Variants in PCDHA2 observed in about 807,000 individuals in gnomAD.
PCDHA2 encodes the protein protocadherin alpha 2, also known as protocadherin alpha-2.
Under a neutral mutation model 66.0 loss-of-function variants are expected in PCDHA2, and 58 were observed. The ratio of observed to expected loss-of-function variants is 0.88; its 90% CI spans 0.71 to 1.09. The LOEUF (loss-of-function observed/expected upper bound fraction) is 1.09. PCDHA2 is among the 50% of genes least tolerant of loss of function. PCDHA2 has a pLI of 0.00. For synonymous variants in PCDHA2, 634 were observed against 554.0 expected (o/e 1.14, Z -2.03); for missense variants, 1,267 against 1,242.3 (o/e 1.02, Z -0.30).
chr5:140,989,686 C>T (rs534780216), intron 3 of PCDHA2, among the ~76,000 whole-genome samples: 2 of 152,254 alleles, frequency 1.3e-5, no homozygotes, highest in African/African-American at 4.8e-5. Flanking sequence ...TTCAAAGGAA[C>T]GTGAAAATTT....
At chr5:140,937,890 C>G (rs1209951664) in intron 1 of PCDHA2, among the ~76,000 whole-genome samples, 1 of 145,964 alleles carries the variant, frequency 6.9e-6, no homozygotes, top group Non-Finnish European at 1.5e-5. Flanking sequence ...CCAGCCTGGG[C>G]GACAGAGTGA....
At chr5:140,921,588 T>C (rs534654717) in intron 1 of PCDHA2, among the ~76,000 whole-genome samples, 1 of 152,342 alleles carries the variant, frequency 6.6e-6, no homozygotes, top group African/African-American at 2.4e-5. Flanking sequence ...TACTATATTA[T>C]GGTTTCAAAG....
At chr5:140,917,327 G>T (rs1219338384) in intron 1 of PCDHA2, among the ~76,000 whole-genome samples, 1 of 149,420 alleles carries the variant, frequency 6.7e-6, no homozygotes, top group Non-Finnish European at 1.5e-5. Context: ...CATGTGGCGG[G>T]GGAGGGGGGG....
chr5:140,797,106 G>C lies in PCDHA2; in HGVS notation c.2142G>C (p.Thr714=). 1.2e-6 allele frequency: 2 copies of C among 1,614,000 alleles called. No individual in the cohort carries two copies. The highest frequency in any genetic ancestry group is 1.7e-6 in the Non-Finnish European group (2 of 1,179,954). ...CGGTATCCAGCCTGTTGGTGCTCAC[G>C]GTGCTGCTGTACACTGCGCTGCGGT... ...ICAVSSLLVL[T]VLLYTALRCS... The change falls in exon 1 of 4, where the codon ACG becomes ACC. Residue 714 remains threonine (T), a synonymous_variant. Transcript: ENST00000526136.
intron 1 of PCDHA2, chr5:140,802,970 A>G (rs781822296): frequency 1.3e-5 from 21 of 1,613,960 alleles, no homozygotes; most frequent in Non-Finnish European, 1.6e-5. Context: ...GCCACGTGGT[A>G]GCGAAGGTGC....
At chr5:140,841,094 G>C in intron 1 of PCDHA2, 1 of 568,882 alleles carries the variant, frequency 1.8e-6, no homozygotes, top group Non-Finnish European at 3.0e-6. Context: ...GAAGAACCCA[G>C]ATATTGCGGA....
At chr5:140,858,296 C>A in intron 1 of PCDHA2, 2 of 1,597,508 alleles carry the variant, frequency 1.3e-6, no homozygotes, top group Non-Finnish European at 1.7e-6. Flanking sequence ...GTCTTACTCG[C>A]AGCAGAGGCG....
intron 1 of PCDHA2, among the ~76,000 whole-genome samples, chr5:140,901,760 G>C (rs909858668): frequency 6.6e-6 from 1 of 152,102 alleles, no homozygotes; most frequent in Admixed American, 6.5e-5. Context: ...TTTTGACAGG[G>C]ATTGCATTGA....
rs2150480213 is a variant in PCDHA2, at chr5:140,850,340, G to C, written c.2388+52988G>C. 0.013 allele frequency: 21,012 copies of C among 1,597,592 alleles called. 2,634 individuals are homozygous for C. The African/African-American group carries it at 0.2, about 15-fold the overall frequency. Reference sequence around the variant, plus strand: ...TTTCATACGAGCTGCAGCCAGAAACGGCCAGCGCGAGCATCCCGTTCCGCG... The same window carrying C: ...TTTCATACGAGCTGCAGCCAGAAACCGCCAGCGCGAGCATCCCGTTCCGCG... On this transcript the variant is annotated intron_variant, in intron 1 of 3. Coordinates refer to ENST00000526136, the MANE Select transcript of PCDHA2 (RefSeq NM_018905.3).
At chr5:140,832,953 T>C (rs2150205519) in intron 1 of PCDHA2, among the ~76,000 whole-genome samples, 88,791 of 151,994 alleles carry the variant, frequency 0.58, 26,721 homozygotes, top group African/African-American at 0.73. Context: ...TAAGTGAGTA[T>C]ACAGAAAATT....
At chr5:140,884,503 AGGGAGTT>A (rs782338567) in intron 1 of PCDHA2, 2 of 1,613,940 alleles carry the variant, frequency 1.2e-6, no homozygotes, top group Non-Finnish European at 1.7e-6. Context: ...CCAGCGCGGC[AGGGAGTT>A]GGTCGTACTC....
chr5:140,833,355 A>T (rs1008230384), intron 1 of PCDHA2, among the ~76,000 whole-genome samples: 7 of 152,200 alleles, frequency 4.6e-5, no homozygotes, highest in Non-Finnish European at 1.5e-5. Flanking sequence ...CAGAAAACGA[A>T]CACAGTAAGG....
rs2150356051 is a variant in PCDHA2, at chr5:140,843,257, C to A, written c.2388+45905C>A. On this transcript the variant is annotated intron_variant, in intron 1 of 3. Coordinates refer to ENST00000526136, the MANE Select transcript of PCDHA2 (RefSeq NM_018905.3). ...GGACGAAGCGGACTCTCCGCGCCAC[C>A]GTCTGCTGGTCCTGGTGAAGGATCA... 1.1e-5 allele frequency: 18 copies of A among 1,596,054 alleles called. 1 individual carries two copies. Among genetic ancestry groups the A allele is most frequent in the Non-Finnish European group, 1.5e-5 (18 of 1,165,602 alleles).
chr5:140,926,703 C>G (rs2083476417), intron 1 of PCDHA2: 2 of 835,304 alleles, frequency 2.4e-6, no homozygotes, highest in Admixed American at 7.4e-5. Context: ...CGGCTCCCAG[C>G]TGGCCAGCCC....
chr5:140,817,981 CT>C (rs1289282111), intron 1 of PCDHA2, among the ~76,000 whole-genome samples: 3 of 152,254 alleles, frequency 2.0e-5, no homozygotes, highest in Admixed American at 6.5e-5. Flanking sequence ...TGTCTAGCTA[CT>C]TTGTATACTT....
At chr5:140,969,120 G>T (rs1333559202) in intron 1 of PCDHA2, 1 of 1,613,970 alleles carries the variant, frequency 6.2e-7, no homozygotes, top group Non-Finnish European at 8.5e-7. Flanking sequence ...CGAGGGAATG[G>T]CTCCCTCACC....
intron 1 of PCDHA2, chr5:140,875,904 A>G: frequency 1.9e-6 from 3 of 1,614,194 alleles, no homozygotes; most frequent in Non-Finnish European, 2.5e-6. Context: ...CTGTTTCTGA[A>G]TCTGCGCCTC....
intron 1 of PCDHA2, among the ~76,000 whole-genome samples, chr5:140,949,279 A>T (rs2094358116): frequency 6.6e-6 from 1 of 151,848 alleles, no homozygotes; most frequent in African/African-American, 2.4e-5. Flanking sequence ...CTTGAAAAGA[A>T]TGTATATTCT....
chr5:140,858,024 C>A lies in PCDHA2; in HGVS notation c.2388+60672C>A, dbSNP rs782656168. On this transcript the variant is annotated intron_variant, in intron 1 of 3. Transcript: ENST00000526136. ...AAGGACCATGGCGAGCCGTCGCTGACGGCCACGGCCACTGTGCTTGTGTCG... is the reference window on the plus strand; with the variant it reads ...AAGGACCATGGCGAGCCGTCGCTGAAGGCCACGGCCACTGTGCTTGTGTCG... 1 of 1,596,584 alleles carries A rather than the reference C, an allele frequency of 6.3e-7. No individual in the cohort carries two copies. Among genetic ancestry groups the A allele is most frequent in the East Asian group, 2.2e-5 (1 of 44,824 alleles).
Sources: allele counts gnomAD v4.1 joint callset (sites outside exome capture counted in the v4.1 genomes callset), GRCh38; gene constraint gnomAD v4.1.1; transcripts MANE v1.5; gene names NCBI Gene and HGNC (gene_info 2026-07-23, HGNC 2026-07-21).